The following ADGRL2 variants were observed in gnomAD, a reference collection of about 807,000 sequenced individuals.
The protein encoded by ADGRL2 is calcium-independent alpha-latrotoxin receptor 2.
Under a neutral mutation model 157.4 loss-of-function variants are expected in ADGRL2, and 44 were observed. The observed-to-expected ratio is 0.28, with a 90% confidence interval of 0.22 to 0.36. The LOEUF is 0.36. Among genes scored for constraint, ADGRL2 ranks in the 10% least tolerant of loss-of-function variants. The pLI is 1.00. For missense variants in ADGRL2, 1,510 were observed against 1,768.9 expected (o/e 0.85, Z 2.63); for synonymous variants, 585 against 624.7 (o/e 0.94, Z 0.95).
At chr1:81,332,518 G>C (rs1453465366) in intron 1 of ADGRL2, among the ~76,000 whole-genome samples, 2 of 152,098 alleles carry the variant, frequency 1.3e-5, no homozygotes, top group Non-Finnish European at 1.5e-5. Context: ...TGTTCCAAGA[G>C]CTTTGGAAAC....
intron 1 of ADGRL2, among the ~76,000 whole-genome samples, chr1:81,758,844 G>T (rs1440111664): frequency 6.6e-6 from 1 of 152,080 alleles, no homozygotes; most frequent in Non-Finnish European, 1.5e-5. Flanking sequence ...ATTTGTCTTA[G>T]TTTTCTAAGA....
In ADGRL2 at chr1:81,952,039, G is replaced by A. The variant is rs1651995483; in HGVS notation, c.1691G>A (p.Ser564Asn). The stretch of plus-strand genomic sequence containing the variant: ...GGGCCAGTGTTTGCTGGGGATGTAA[G>A]TTCTTCAGTGAGATTGATGGAGCAG... ...TKGPVFAGDV[S>N]SSVRLMEQLV... Residue 564 changes from serine (S) to asparagine (N), a missense_variant, in exon 9 of 24, where the codon AGT becomes AAT. This residue lies in a region of ADGRL2 where 325 missense variants were observed against 333.2 expected (regional missense o/e 0.98). Transcript: ENST00000686636. 2 of 1,613,804 alleles carry A rather than the reference G, an allele frequency of 1.2e-6. No individual in the cohort carries two copies. The highest frequency in any genetic ancestry group is 4.5e-5 in the East Asian group (2 of 44,856).
chr1:81,620,072 T>C (rs577501439), intron 3 of ADGRL2, among the ~76,000 whole-genome samples: 1 of 152,294 alleles, frequency 6.6e-6, no homozygotes, highest in East Asian at 1.9e-4. Flanking sequence ...CCTTATACTA[T>C]GGTTTAAGGC....
chr1:81,514,265 G>C (rs2079132229), intron 2 of ADGRL2, among the ~76,000 whole-genome samples: 2 of 152,090 alleles, frequency 1.3e-5, no homozygotes, highest in Non-Finnish European at 2.9e-5. Context: ...ATATTTATTG[G>C]AGGTGCCTTG....
chr1:81,502,015 G>A (rs1177512168), intron 2 of ADGRL2: 13 of 1,603,590 alleles, frequency 8.1e-6, no homozygotes, highest in Admixed American at 1.7e-5. Flanking sequence ...CCGCAGCAGT[G>A]GCCCAAGTGT....
chr1:81,910,421 T>C (rs1216833336), intron 3 of ADGRL2, among the ~76,000 whole-genome samples: 1 of 151,826 alleles, frequency 6.6e-6, no homozygotes, highest in Non-Finnish European at 1.5e-5. Context: ...AGCCCCAGTT[T>C]ATTATAGAAA....
intron 2 of ADGRL2, among the ~76,000 whole-genome samples, chr1:81,857,281 A>G (rs746212567): frequency 2.0e-5 from 3 of 152,112 alleles, no homozygotes; most frequent in Admixed American, 2.0e-4. Context: ...TTATTTTTAG[A>G]TTTGGGATAT....
rs1366517359 is a variant in ADGRL2, at chr1:81,560,564, A to G, written c.-247-20312A>G. On this transcript the variant is annotated intron_variant, in intron 2 of 24. Coordinates refer to the ADGRL2 transcript ENST00000370721. ...CACATATGTGTTGGGAATTCAACACATCTTTTTCTGTTGAATAGAACTGAT... is the reference window on the plus strand; with the variant it reads ...CACATATGTGTTGGGAATTCAACACGTCTTTTTCTGTTGAATAGAACTGAT... 4.6e-5 allele frequency among the ~76,000 whole-genome samples: 7 copies of G among 152,304 alleles called. No individual in the cohort carries two copies. The East Asian group carries it at 1.2e-3, about 25-fold the overall frequency.
chr1:81,717,103 TTGTCTCCATTTTCTC>T (rs2084143671), intron 1 of ADGRL2, among the ~76,000 whole-genome samples: 1 of 152,202 alleles, frequency 6.6e-6, no homozygotes, highest in African/African-American at 2.4e-5. Context: ...GTTGGTCATG[TTGTCTCCATTTTCTC>T]TTCTGGCTGT....
intron 1 of ADGRL2, among the ~76,000 whole-genome samples, chr1:81,310,843 T>C (rs1322623392): frequency 2.3e-5 from 3 of 129,434 alleles, no homozygotes; most frequent in East Asian, 2.2e-4. Context: ...TGTTCTCTCC[T>C]TGAAAGAAAA....
intron 1 of ADGRL2, among the ~76,000 whole-genome samples, chr1:81,725,216 A>AG (rs2084479816): frequency 6.7e-6 from 1 of 149,462 alleles, no homozygotes; most frequent in South Asian, 2.1e-4. Context: ...AAAAAAAAAA[A>AG]AAAAAGAACA....
intron 2 of ADGRL2, among the ~76,000 whole-genome samples, chr1:81,781,615 G>A (rs1173750201): frequency 6.6e-6 from 1 of 152,182 alleles, no homozygotes; most frequent in Non-Finnish European, 1.5e-5. Context: ...GTTGGTTACA[G>A]ATGGGAGGAA....
At chr1:81,501,815 CAGCAGCAACAGA>C (rs2078857788) in intron 2 of ADGRL2, 4 of 1,603,272 alleles carry the variant, frequency 2.5e-6, no homozygotes, top group South Asian at 1.1e-5. Flanking sequence ...GCAGCAACAG[CAGCAGCAACAGA>C]AGCAGCCACA....
intron 2 of ADGRL2, among the ~76,000 whole-genome samples, chr1:81,885,323 A>G (rs2094102636): frequency 6.6e-6 from 1 of 152,184 alleles, no homozygotes; most frequent in South Asian, 2.1e-4. Context: ...TTTCAGAGGA[A>G]TTTAAAAAAA....
intron 2 of ADGRL2, chr1:81,505,037 T>C (rs74095566): frequency 0.32 from 124,049 of 386,056 alleles, 27,070 homozygotes; most frequent in African/African-American, 0.76. Flanking sequence ...AGACACCGCA[T>C]GTGGCGTGGG....
At chr1:81,934,610 A>G (rs935805486) in intron 3 of ADGRL2, among the ~76,000 whole-genome samples, 14 of 151,910 alleles carry the variant, frequency 9.2e-5, no homozygotes, top group African/African-American at 3.4e-4. Context: ...CTCTCCCACC[A>G]GTTGCTAGTT....
chr1:81,684,309 T>A (rs960504308), intron 3 of ADGRL2, among the ~76,000 whole-genome samples: 2 of 152,214 alleles, frequency 1.3e-5, no homozygotes, highest in African/African-American at 4.8e-5. Context: ...TTTTTTAATT[T>A]TTTTATTATG....
At chr1:81,879,514 T>TA (rs200767897) in intron 2 of ADGRL2, among the ~76,000 whole-genome samples, 2,840 of 41,422 alleles carry the variant, frequency 0.069, 67 homozygotes, top group East Asian at 0.46. Flanking sequence ...AACCCAGAAT[T>TA]TAAAAAAAAA....
chr1:81,930,830 G>C (rs1246881935), intron 3 of ADGRL2, among the ~76,000 whole-genome samples: 2 of 152,034 alleles, frequency 1.3e-5, no homozygotes, highest in East Asian at 3.9e-4. Flanking sequence ...TTTAAACCAT[G>C]AGTAAAATTC....
Sources: gnomAD v4.1 joint callset for allele counts (sites outside exome capture counted in the v4.1 genomes callset) on GRCh38, gnomAD v4.1.1 for gene constraint, gnomAD v4.1.1 regional missense constraint, MANE v1.5 for transcripts, NCBI Gene and HGNC (gene_info 2026-07-23, HGNC 2026-07-21) for gene names.